SHROOM3: variants seen among roughly 807,000 people sequenced by gnomAD.
SHROOM3 encodes the protein shroom family member 3.
In SHROOM3, 47 loss-of-function variants were observed where a neutral mutation model predicts 138.6. The observed-to-expected ratio is 0.34, with a 90% CI of 0.27 to 0.43. The LOEUF is 0.43. SHROOM3 is among the 20% of genes least tolerant of loss of function. The pLI is 1.00. For synonymous variants in SHROOM3, 1,062 were observed against 1,063.3 expected (o/e 1.00, Z 0.02); for missense variants, 2,491 against 2,596.5 (o/e 0.96, Z 0.88).
chr4:76,693,666 T>TG (rs1391363280), intron 2 of SHROOM3, among the ~76,000 whole-genome samples: 1 of 152,148 alleles, frequency 6.6e-6, no homozygotes, highest in East Asian at 1.9e-4. Context: ...ATTACAGGTG[T>TG]GAGCCACTGC....
Position 76,781,974 on chromosome 4 carries a change from T to G in SHROOM3, c.*2797T>G, listed in dbSNP as rs1213443354. On this transcript the variant is annotated 3_prime_UTR_variant, in exon 11 of 11. Transcript: ENST00000296043. ...ACTTCTGGTCAGAACTCAGGTGAGA[T>G]AATCTTGCAATACTCCAAATGCAGA... The G allele has an allele frequency of 1.3e-5, 2 of 152,162 alleles. No individual in the cohort carries two copies. Among genetic ancestry groups the G allele is most frequent in the Non-Finnish European group, 2.9e-5 (2 of 68,038 alleles). The allele number at this position is 152,162 out of a possible 1,614,324, so 9.4% of individuals were successfully genotyped here.
intron 2 of SHROOM3, among the ~76,000 whole-genome samples, chr4:76,704,920 AGGAGACAC>A (rs1720006404): frequency 6.6e-6 from 1 of 152,230 alleles, no homozygotes; most frequent in Non-Finnish European, 1.5e-5. Flanking sequence ...GACCATGCCA[AGGAGACAC>A]GATTCCTCCA....
At chr4:76,596,860 G>A (rs1387188267) in intron 2 of SHROOM3, among the ~76,000 whole-genome samples, 2 of 152,076 alleles carry the variant, frequency 1.3e-5, no homozygotes, top group South Asian at 2.1e-4. Flanking sequence ...GGCTCACCCC[G>A]GAGCCATCAC....
rs577055487 is a variant in SHROOM3 at position 76,729,860 on chromosome 4, A to C, written c.456-944A>C. 5.9e-5 allele frequency among the ~76,000 whole-genome samples: 9 copies of C among 152,370 alleles called. No individual in the cohort carries two copies. In the South Asian group the frequency reaches 1.9e-3, roughly 32 times the overall value. The stretch of plus-strand genomic sequence containing the variant: ...AAAAGAGATAGGTGCATTTTTAGCT[A>C]CAAGGCCAAGTACAATGAGTTGGAA... On this transcript the variant is annotated intron_variant, in intron 3 of 10. Transcript: ENST00000296043.
At chr4:76,548,022 A>G (rs1451400591) in intron 1 of SHROOM3, among the ~76,000 whole-genome samples, 1 of 149,588 alleles carries the variant, frequency 6.7e-6, no homozygotes, top group Admixed American at 6.7e-5. Context: ...GTATTAGGGG[A>G]GGCTGAAATT....
At chr4:76,559,289 A>G (rs1229978041) in intron 2 of SHROOM3, 1 of 152,154 alleles carries the variant, frequency 6.6e-6, no homozygotes, top group Non-Finnish European at 1.5e-5. Flanking sequence ...CCTACCTTGC[A>G]GAGATCCGGG....
intron 3 of SHROOM3, among the ~76,000 whole-genome samples, chr4:76,716,658 A>G (rs886542735): frequency 6.6e-6 from 1 of 152,182 alleles, no homozygotes; most frequent in Non-Finnish European, 1.5e-5. Flanking sequence ...CCTATGTATA[A>G]ATACAGTCGC....
chr4:76,562,361 T>G (rs1733616872), intron 2 of SHROOM3, among the ~76,000 whole-genome samples: 1 of 152,152 alleles, frequency 6.6e-6, no homozygotes, highest in African/African-American at 2.4e-5. Context: ...TGAGATGACA[T>G]TATTAGAATG....
Position 76,741,508 on chromosome 4 carries a change from T to G in SHROOM3, c.3335T>G (p.Leu1112Arg), listed in dbSNP as rs765357447. The G allele has an allele frequency of 9.0e-6, 14 of 1,554,410 alleles. No homozygotes were observed. Among genetic ancestry groups the G allele is most frequent in the Non-Finnish European group, 1.1e-5 (13 of 1,155,540 alleles). The change falls in exon 5 of 11, where the codon CTG becomes CGG. Residue 1112 changes from leucine (L) to arginine (R), a missense_variant. By Grantham distance (102) the Leu-to-Arg change is moderately radical. Around this residue, in one of 4 missense-constraint regions of SHROOM3, gnomAD observed 1,733 missense variants for 1,661.6 expected, o/e 1.04. Coordinates refer to ENST00000296043, the MANE Select transcript of SHROOM3 (RefSeq NM_020859.4). This position sits in a 1 kb window ranked among gnomAD's most constrained non-coding sequence, Gnocchi z 6.2. ...TGCAGCCTCCAGGAGCCCGGGCCAC[T>G]GCGTGAGCGCGCCCAGAGTGCCTAC... ...AGCSLQEPGP[L>R]RERAQSAYLQ...
intron 1 of SHROOM3, among the ~76,000 whole-genome samples, chr4:76,485,068 A>C (rs1205219083): frequency 6.6e-6 from 1 of 152,186 alleles, no homozygotes; most frequent in African/African-American, 2.4e-5. Context: ...TGGGAAACAC[A>C]CTGTTGTCGC....
intron 2 of SHROOM3, among the ~76,000 whole-genome samples, chr4:76,636,786 G>A (rs747879678): frequency 6.6e-6 from 1 of 152,366 alleles, no homozygotes; most frequent in Non-Finnish European, 1.5e-5. Flanking sequence ...CCTGGCTAGG[G>A]TTGGTAACCA....
At chr4:76,724,425 A>T (rs757453952) in intron 3 of SHROOM3, among the ~76,000 whole-genome samples, 3 of 152,170 alleles carry the variant, frequency 2.0e-5, no homozygotes, top group Non-Finnish European at 4.4e-5. Flanking sequence ...TAACTGAAAA[A>T]ATAGCTGTTT....
At chr4:76,553,771 A>G (rs1214054987) in intron 1 of SHROOM3, among the ~76,000 whole-genome samples, 1 of 152,220 alleles carries the variant, frequency 6.6e-6, no homozygotes, top group African/African-American at 2.4e-5. Context: ...TGCTGGGATT[A>G]CAGGCGTGAG....
chr4:76,639,296 C>G (rs548948335), intron 2 of SHROOM3, among the ~76,000 whole-genome samples: 1 of 152,276 alleles, frequency 6.6e-6, no homozygotes, highest in East Asian at 1.9e-4. Flanking sequence ...CAAAAGCCAC[C>G]CTGAAATGAA....
chr4:76,435,986 A>G lies in SHROOM3; in HGVS notation c.-67A>G. 1 of 1,568,002 alleles carries G rather than the reference A, an allele frequency of 6.4e-7. No homozygotes were observed. On this transcript the variant is annotated 5_prime_UTR_variant, in exon 1 of 11. It removes the in-frame stop codon of an upstream open reading frame in the 5' UTR. Coordinates refer to ENST00000296043, the MANE Select transcript of SHROOM3 (RefSeq NM_020859.4). ...TGAAGGATGGGACAACTTGTGCTGT[A>G]GAAGCACTGCTTGCCTGAGTTTGCT...
At chr4:76,654,535 C>T (rs1050360704) in intron 2 of SHROOM3, among the ~76,000 whole-genome samples, 1 of 151,914 alleles carries the variant, frequency 6.6e-6, no homozygotes, top group Admixed American at 6.6e-5. Flanking sequence ...CACCATGTTG[C>T]CCAGGCTGCC....
chr4:76,733,907 T>C (rs1479171008), intron 4 of SHROOM3, among the ~76,000 whole-genome samples: 1 of 152,174 alleles, frequency 6.6e-6, no homozygotes, highest in Non-Finnish European at 1.5e-5. Flanking sequence ...GGAATTTCAC[T>C]GAAATTGTAT....
At chr4:76,777,966 T>C (rs1406091114) in intron 10 of SHROOM3, among the ~76,000 whole-genome samples, 1 of 152,194 alleles carries the variant, frequency 6.6e-6, no homozygotes, top group Non-Finnish European at 1.5e-5. Context: ...CTGGCTTCTT[T>C]AGAGATGGGA....
At chr4:76,593,226 A>G (rs1458703743) in intron 2 of SHROOM3, among the ~76,000 whole-genome samples, 1 of 152,232 alleles carries the variant, frequency 6.6e-6, no homozygotes, top group Non-Finnish European at 1.5e-5. Flanking sequence ...GTGCACCTTC[A>G]TCACTGGAAA....
Sources: gnomAD v4.1 joint callset for allele counts (sites outside exome capture counted in the v4.1 genomes callset) on GRCh38, gnomAD v4.1.1 for gene constraint, gnomAD v4.1.1 regional missense constraint, Gnocchi (gnomAD v3.1) non-coding constraint, MANE v1.5 for transcripts, NCBI Gene and HGNC (gene_info 2026-07-23, HGNC 2026-07-21) for gene names.